Variants in ABCA3 observed in about 807,000 individuals in gnomAD.
The protein encoded by ABCA3 is ATP binding cassette subfamily A member 3, also known as phospholipid-transporting ATPase ABCA3.
Under a neutral mutation model 172.8 loss-of-function variants are expected in ABCA3, and 88 were observed. The ratio of observed to expected loss-of-function variants is 0.51; its 90% CI spans 0.43 to 0.61. The LOEUF is 0.61. ABCA3 is among the 20% of genes least tolerant of loss of function. The probability of loss-of-function intolerance (pLI) is 0.00; values close to 1 mark genes in which losing one functional copy is unlikely to be tolerated. For missense variants in ABCA3, 2,164 were observed against 2,301.0 expected (o/e 0.94, Z 1.22); for synonymous variants, 1,066 against 983.8 (o/e 1.08, Z -1.56).
At chr16:2,328,199 T>A (rs1478096290) in intron 3 of ABCA3, among the ~76,000 whole-genome samples, 1 of 152,200 alleles carries the variant, frequency 6.6e-6, no homozygotes, top group African/African-American at 2.4e-5. Context: ...AGGTATTCCC[T>A]CAATTTAGCT....
Position 2,277,784 on chromosome 16 carries a change from C to CG in ABCA3, c.4909+94dup. 6.3e-7 allele frequency: 1 copy of CG among 1,588,592 alleles called. No homozygotes were observed. Among genetic ancestry groups the CG allele is most frequent in the South Asian group, 1.1e-5 (1 of 88,966 alleles). On this transcript the variant is annotated intron_variant, in intron 31 of 32. Transcript: ENST00000301732. The surrounding 1 kb of genome is among the most constrained non-coding windows in gnomAD (Gnocchi z 5.3). The stretch of plus-strand genomic sequence containing the variant: ...CAGGGATTGGGGAGATGGGACTTGG[C>CG]GGGGCGAGGCACAGACGCTCCGCAC...
intron 8 of ABCA3, among the ~76,000 whole-genome samples, chr16:2,319,084 G>A (rs1348980072): frequency 6.6e-6 from 1 of 152,004 alleles, no homozygotes; most frequent in Non-Finnish European, 1.5e-5. Context: ...CCCCTAGCCA[G>A]GTGTTACAGC....
chr16:2,279,154 A>C lies in ABCA3; in HGVS notation c.4360-24T>G. 1 of 1,607,722 alleles carries C rather than the reference A, an allele frequency of 6.2e-7. No homozygotes were observed. The highest frequency in any genetic ancestry group is 8.5e-7 in the Non-Finnish European group (1 of 1,179,590). On this transcript the variant is annotated intron_variant, in intron 28 of 32. Transcript: ENST00000301732. This position sits in a 1 kb window ranked among gnomAD's most constrained non-coding sequence, Gnocchi z 4.4. ...ACCTGGGGTCGGAGCATAGCCGGGG[A>C]GGGAGGCGGGTTGGAGGGAAGCCTC...
Position 2,284,722 on chromosome 16 carries a change from G to A in ABCA3, c.3703+57C>T. ...GGCTGTGGCTGGTGCCTCCCTGTCT[G>A]GGCGGAGTGGCTCCGTGGATGGCCA... On this transcript the variant is annotated intron_variant, in intron 24 of 32. Coordinates refer to ENST00000301732, the MANE Select transcript of ABCA3 (RefSeq NM_001089.3). This position sits in a 1 kb window ranked among gnomAD's most constrained non-coding sequence, Gnocchi z 5.9. 6.4e-7 allele frequency: 1 copy of A among 1,553,368 alleles called. No homozygotes were observed. The highest frequency in any genetic ancestry group is 8.8e-7 in the Non-Finnish European group (1 of 1,142,202).
chr16:2,281,531 C>T lies in ABCA3; in HGVS notation c.4036-22G>A, dbSNP rs763876139. 7.7e-6 allele frequency: 12 copies of T among 1,554,036 alleles called. No individual in the cohort carries two copies. The highest frequency in any genetic ancestry group is 2.5e-5 in the East Asian group (1 of 40,218). ...CTGTCTGATTGACCAGGACAAAGAC[C>T]GCATGCGTGAACCCAGCCGCAGGGC... On this transcript the variant is annotated intron_variant, in intron 26 of 32. Transcript: ENST00000301732. The surrounding 1 kb of genome is among the most constrained non-coding windows in gnomAD (Gnocchi z 4.7).
At chr16:2,288,478 G>A in intron 20 of ABCA3, 149 bp from the exon 21 acceptor site, 2 of 953,968 alleles carry the variant, frequency 2.1e-6, no homozygotes, top group East Asian at 5.3e-5. Flanking sequence ...CGTTGAAACG[G>A]CCGTGGGAGG....
chr16:2,284,032 T>C lies in ABCA3; in HGVS notation c.3862+247A>G, dbSNP rs2093658997. 4 of 492,970 alleles carry C rather than the reference T, an allele frequency of 8.1e-6. No homozygotes were observed. The highest frequency in any genetic ancestry group is 6.6e-5 in the South Asian group (3 of 45,584). 30.5% of individuals were successfully genotyped at this position (492,970 alleles called of 1,614,324 possible). A position where few individuals can be genotyped will look rare whatever the true frequency, so the allele number is the denominator to read the frequency against. On this transcript the variant is annotated intron_variant, in intron 25 of 32. Coordinates refer to ENST00000301732, the MANE Select transcript of ABCA3 (RefSeq NM_001089.3). The surrounding 1 kb of genome is among the most constrained non-coding windows in gnomAD (Gnocchi z 5.9). Reference sequence around the variant, plus strand: ...ATTCACTCCTCGTGCTAAGCGCTGGTCTGTGGTTCCTTGTTACAGATGCCC... The same window carrying C: ...ATTCACTCCTCGTGCTAAGCGCTGGCCTGTGGTTCCTTGTTACAGATGCCC...
chr16:2,283,335 A>G lies in ABCA3; in HGVS notation c.3886T>C (p.Tyr1296His). The change falls in exon 26 of 33, where the codon TAT becomes CAT. Residue 1296 changes from tyrosine to histidine, a missense_variant. By Grantham distance (83) the Tyr-to-His change is moderately conservative. Coordinates refer to ENST00000301732, the MANE Select transcript of ABCA3 (RefSeq NM_001089.3). This position sits in a 1 kb window ranked among gnomAD's most constrained non-coding sequence, Gnocchi z 5.4. ...CCGACCCCCGGGGCGCTCCAGGCAT[A>G]GAAGTTCTCCTGGTACTGGATGTCT... ...KYNIQYQENF[Y>H]AWSAPGVGRF... 6.2e-7 allele frequency: 1 copy of G among 1,613,148 alleles called. No individual in the cohort carries two copies. The highest frequency in any genetic ancestry group is 8.5e-7 in the Non-Finnish European group (1 of 1,179,982).
At chr16:2,309,226 G>T (rs45591833) in intron 10 of ABCA3, among the ~76,000 whole-genome samples, 1 of 152,178 alleles carries the variant, frequency 6.6e-6, no homozygotes, top group African/African-American at 2.4e-5. Context: ...GATTACAGGC[G>T]TGAGCCACCG....
At position 2,293,367 on chromosome 16, in the gene ABCA3, C is replaced by A. The variant is rs868674210; in HGVS notation, c.2415-1129G>T. On this transcript the variant is annotated intron_variant, in intron 18 of 32. Coordinates refer to ENST00000301732, the MANE Select transcript of ABCA3 (RefSeq NM_001089.3). ...AAGCTACCGTGCCTGGCCAAAATGC[C>A]TTTTTTTTTTTTTTTTTTTTTGGAG... is the stretch of plus-strand genomic sequence containing the variant. 9.7e-5 allele frequency among the ~76,000 whole-genome samples: 10 copies of A among 103,428 alleles called. No individual in the cohort carries two copies. In the Admixed American group the frequency reaches 1.2e-3, roughly 12 times the overall value. The allele number at this position is 103,428 out of a possible 152,430, so 67.9% of individuals were successfully genotyped here.
chr16:2,337,156 T>C (rs532918646), intron 1 of ABCA3, among the ~76,000 whole-genome samples: 17 of 151,584 alleles, frequency 1.1e-4, no homozygotes, highest in African/African-American at 4.1e-4. Context: ...CTTAAGGGAT[T>C]GTCTCATCTC....
intron 5 of ABCA3, 127 bp downstream of exon 5, chr16:2,325,883 A>G: frequency 7.5e-7 from 1 of 1,332,558 alleles, no homozygotes; most frequent in Non-Finnish European, 1.1e-6. Flanking sequence ...GGGAAGAAGC[A>G]GAGGCCAAGT....
chr16:2,279,150 G>A lies in ABCA3; in HGVS notation c.4360-20C>T, dbSNP rs756078733. On this transcript the variant is annotated intron_variant, in intron 28 of 32. Coordinates refer to ENST00000301732, the MANE Select transcript of ABCA3 (RefSeq NM_001089.3). The surrounding 1 kb of genome is among the most constrained non-coding windows in gnomAD (Gnocchi z 4.4). The stretch of plus-strand genomic sequence containing the variant: ...CCGCACCTGGGGTCGGAGCATAGCC[G>A]GGGAGGGAGGCGGGTTGGAGGGAAG... 7.5e-6 allele frequency: 12 copies of A among 1,608,184 alleles called. No individual in the cohort carries two copies. The highest frequency in any genetic ancestry group is 2.7e-5 in the African/African-American group (2 of 74,886).
chr16:2,326,656 T>C (rs944295049), intron 3 of ABCA3, among the ~76,000 whole-genome samples, 164 bp from the exon 4 acceptor site: 30 of 152,236 alleles, frequency 2.0e-4, no homozygotes, highest in African/African-American at 6.8e-4. Flanking sequence ...GCCTGTGCCA[T>C]GCCCACCCTC....
At position 2,286,666 on chromosome 16, in the gene ABCA3, G is replaced by A. The variant is rs1223881962; in HGVS notation, c.3278+28C>T. 2 of 1,611,984 alleles carry A rather than the reference G, an allele frequency of 1.2e-6. No homozygotes were observed. The highest frequency in any genetic ancestry group is 1.7e-5 in the Admixed American group (1 of 60,000). On this transcript the variant is annotated intron_variant, in intron 22 of 32. Transcript: ENST00000301732. The surrounding 1 kb of genome is among the most constrained non-coding windows in gnomAD (Gnocchi z 5.2). The stretch of plus-strand genomic sequence containing the variant: ...AGTCAGTCCTGGGGGCTCTGGCCAG[G>A]GCAGACAGGGACGGGCAGTGCACAT...
At chr16:2,312,160 C>T (rs926049527) in intron 10 of ABCA3, among the ~76,000 whole-genome samples, 1 of 152,180 alleles carries the variant, frequency 6.6e-6, no homozygotes, top group Admixed American at 6.5e-5. Context: ...TTGCAAAATT[C>T]TATTTTTTGC....
At chr16:2,316,703 C>T (rs1031834596) in intron 10 of ABCA3, among the ~76,000 whole-genome samples, 7 of 151,222 alleles carry the variant, frequency 4.6e-5, no homozygotes, top group African/African-American at 1.7e-4. Flanking sequence ...CTGGGAACCT[C>T]TAAAAGTACT....
intron 19 of ABCA3, among the ~76,000 whole-genome samples, chr16:2,291,354 T>C (rs572819604): frequency 2.7e-4 from 41 of 152,086 alleles, no homozygotes; most frequent in African/African-American, 9.6e-4. Flanking sequence ...TTTCACCATG[T>C]TGACCAGGCT....
At chr16:2,290,588 C>T (rs913295642) in intron 19 of ABCA3, among the ~76,000 whole-genome samples, 5 of 152,180 alleles carry the variant, frequency 3.3e-5, no homozygotes, top group Non-Finnish European at 5.9e-5. Context: ...CAGGCCAGCC[C>T]GTGGTTTCTT....
Sources: allele counts gnomAD v4.1 joint callset (sites outside exome capture counted in the v4.1 genomes callset), GRCh38; gene constraint gnomAD v4.1.1; non-coding constraint Gnocchi (gnomAD v3.1); transcripts MANE v1.5; gene names NCBI Gene and HGNC (gene_info 2026-07-23, HGNC 2026-07-21).